The following DOK5 variants were observed in gnomAD, a reference collection of about 807,000 sequenced individuals.
DOK5 encodes docking protein 5.
DOK5 carries 27 observed loss-of-function variants against 43.3 expected under a neutral mutation model. The observed-to-expected ratio is 0.62, with a 90% confidence interval of 0.46 to 0.86. The LOEUF (loss-of-function observed/expected upper bound fraction) is 0.86. Ranked by LOEUF, DOK5 falls within the 40% of genes least tolerant of loss-of-function variation. The pLI is 0.00. For synonymous variants in DOK5, 146 were observed against 140.1 expected (o/e 1.04, Z -0.30); for missense variants, 373 against 392.9 (o/e 0.95, Z 0.43).
chr20:54,610,105 C>T (rs1432885800), intron 5 of DOK5, among the ~76,000 whole-genome samples: 1 of 152,206 alleles, frequency 6.6e-6, no homozygotes, highest in Non-Finnish European at 1.5e-5. Context: ...ATTTATTATA[C>T]TGCAAATCAA....
At chr20:54,592,038 C>G (rs1165288908) in intron 5 of DOK5, among the ~76,000 whole-genome samples, 1 of 152,162 alleles carries the variant, frequency 6.6e-6, no homozygotes, top group Non-Finnish European at 1.5e-5. Context: ...ACACATGGTA[C>G]AAATTTTCAT....
chr20:54,541,593 G>A (rs1250158715), intron 1 of DOK5, among the ~76,000 whole-genome samples: 1 of 151,962 alleles, frequency 6.6e-6, no homozygotes, highest in Non-Finnish European at 1.5e-5. Flanking sequence ...GCACCACCAT[G>A]CCCGGCTAAT....
rs532719415 is a variant in DOK5 at position 54,583,214 on chromosome 20, C to T, written c.175-5269C>T. On this transcript the variant is annotated intron_variant, in intron 2 of 7. Transcript: ENST00000262593. ...CTGTTATTGTTTTTTAGTTTTATTC[C>T]GTGGTGGTTGGGAAAGATACTTAAT... Among the ~76,000 whole-genome samples the T allele has an allele frequency of 3.8e-4, 57 of 151,560 alleles. 1 individual carries two copies. Among genetic ancestry groups the T allele is most frequent in the South Asian group, 6.3e-4 (3 of 4,798 alleles).
chr20:54,541,811 C>G (rs1303763641), intron 1 of DOK5, among the ~76,000 whole-genome samples: 3 of 152,128 alleles, frequency 2.0e-5, no homozygotes, highest in Non-Finnish European at 4.4e-5. Flanking sequence ...CAGCCCTGAA[C>G]TCTTCTCCTA....
At chr20:54,510,744 C>T (rs1254233673) in intron 1 of DOK5, among the ~76,000 whole-genome samples, 5 of 152,114 alleles carry the variant, frequency 3.3e-5, no homozygotes, top group African/African-American at 1.2e-4. Context: ...GCTGCCTGGC[C>T]TTGTGTGCTT....
intron 1 of DOK5, among the ~76,000 whole-genome samples, chr20:54,530,568 T>C (rs1410725891): frequency 5.3e-5 from 8 of 152,190 alleles, no homozygotes; most frequent in African/African-American, 1.9e-4. Context: ...TCCCATGACC[T>C]GTCTTGCCAG....
chr20:54,605,364 G>A (rs2146787589), intron 5 of DOK5, among the ~76,000 whole-genome samples: 1 of 152,224 alleles, frequency 6.6e-6, no homozygotes, highest in Admixed American at 6.5e-5. Flanking sequence ...TCTGAAGTTG[G>A]GCACTCAGTG....
intron 1 of DOK5, among the ~76,000 whole-genome samples, chr20:54,527,472 C>T (rs770639635): frequency 2.6e-5 from 4 of 152,078 alleles, no homozygotes; most frequent in South Asian, 2.1e-4. Flanking sequence ...AAATTCAAAT[C>T]GAAGAGCAAA....
At chr20:54,630,136 C>T (rs1342721197) in intron 6 of DOK5, among the ~76,000 whole-genome samples, 2 of 152,062 alleles carry the variant, frequency 1.3e-5, no homozygotes, top group Non-Finnish European at 2.9e-5. Context: ...AGCAAGGGTA[C>T]GAGCAAGAAG....
intron 1 of DOK5, among the ~76,000 whole-genome samples, chr20:54,492,328 A>C (rs897839884): frequency 6.6e-6 from 1 of 152,214 alleles, no homozygotes; most frequent in Non-Finnish European, 1.5e-5. Flanking sequence ...ACATGGGTTC[A>C]TATTATACAA....
intron 5 of DOK5, among the ~76,000 whole-genome samples, chr20:54,596,673 T>C (rs921866275): frequency 6.6e-6 from 1 of 152,222 alleles, no homozygotes; most frequent in African/African-American, 2.4e-5. Flanking sequence ...AAGATTGCTA[T>C]GAAGATTAAA....
At chr20:54,610,599 A>C in intron 6 of DOK5, 76 bp downstream of exon 6, 1 of 1,333,252 alleles carries the variant, frequency 7.5e-7, no homozygotes, top group South Asian at 2.4e-5. Flanking sequence ...TGTGCTGGAA[A>C]ATATGGTCAG....
In DOK5 at chr20:54,588,743, A is replaced by G; in HGVS notation, c.346A>G (p.Ile116Val). 6.2e-7 allele frequency: 1 copy of G among 1,614,090 alleles called. No homozygotes were observed. ...CCAGATGGAGTGTGTAGGAACACGGATCAATGACATCAGCCTTGGAGAGCC... is the reference window on the plus strand; with the variant it reads ...CCAGATGGAGTGTGTAGGAACACGGGTCAATGACATCAGCCTTGGAGAGCC... ...VLQMECVGTR[I>V]NDISLGEPDL... is the part of the protein sequence containing the mutation. The change falls in exon 4 of 8, where the codon ATC becomes GTC. Residue 116 changes from isoleucine (I) to valine (V), a missense_variant. By Grantham distance (29) the Ile-to-Val change is conservative (BLOSUM62 3). Coordinates refer to ENST00000262593, the MANE Select transcript of DOK5 (RefSeq NM_018431.5).
At chr20:54,588,235 A>G (rs1048876545) in intron 2 of DOK5, among the ~76,000 whole-genome samples, 3 of 152,266 alleles carry the variant, frequency 2.0e-5, no homozygotes, top group Non-Finnish European at 4.4e-5. Flanking sequence ...TGAAGTTTTA[A>G]GCTTGTTCCA....
chr20:54,630,551 C>T (rs1346342278), intron 6 of DOK5, among the ~76,000 whole-genome samples: 1 of 152,180 alleles, frequency 6.6e-6, no homozygotes, highest in Non-Finnish European at 1.5e-5. Flanking sequence ...TGATTTCCAA[C>T]TGGGAATTGT....
chr20:54,647,261 T>C (rs1487556926), intron 7 of DOK5, among the ~76,000 whole-genome samples: 2 of 152,148 alleles, frequency 1.3e-5, no homozygotes, highest in Non-Finnish European at 2.9e-5. Context: ...TCACAGCACT[T>C]TGGGAGGCCG....
intron 7 of DOK5, among the ~76,000 whole-genome samples, chr20:54,646,470 C>T (rs1979435510): frequency 6.6e-6 from 1 of 152,050 alleles, no homozygotes; most frequent in South Asian, 2.1e-4. Flanking sequence ...CCAGACTGGT[C>T]TCAAACTTCT....
At chr20:54,634,325 C>A (rs975674446) in intron 6 of DOK5, among the ~76,000 whole-genome samples, 1 of 25,034 alleles carries the variant, frequency 4.0e-5, no homozygotes, top group Non-Finnish European at 7.7e-5. Flanking sequence ...AGGGTGGGGG[C>A]GGGGGCAGGG....
At chr20:54,580,345 T>A (rs1314880375) in intron 2 of DOK5, among the ~76,000 whole-genome samples, 3 of 152,172 alleles carry the variant, frequency 2.0e-5, no homozygotes, top group Non-Finnish European at 4.4e-5. Context: ...TTGTTTTCAA[T>A]TTTTTTGAAT....
Sources: allele counts gnomAD v4.1 joint callset (sites outside exome capture counted in the v4.1 genomes callset), GRCh38; gene constraint gnomAD v4.1.1; transcripts MANE v1.5; gene names NCBI Gene and HGNC (gene_info 2026-07-23, HGNC 2026-07-21).